Variants in OPCML observed in about 807,000 individuals in gnomAD.
The protein encoded by OPCML is opioid-binding protein/cell adhesion molecule.
OPCML carries 13 observed loss-of-function variants against 37.8 expected under a neutral mutation model. The ratio of observed to expected loss-of-function variants is 0.34; its 90% CI spans 0.22 to 0.55. OPCML has a LOEUF of 0.55. OPCML is among the 20% of genes least tolerant of loss of function. The pLI is 0.91. For missense variants in OPCML, 341 were observed against 435.6 expected (o/e 0.78, Z 1.93); for synonymous variants, 176 against 168.8 (o/e 1.04, Z -0.33).
intron 1 of OPCML, among the ~76,000 whole-genome samples, chr11:133,055,159 G>A (rs11223347): frequency 1.4e-3 from 79 of 55,368 alleles, no homozygotes; most frequent in African/African-American, 2.1e-3. Context: ...TGAGGGAGCC[G>A]CCTCTACCAT....
At chr11:132,425,869 G>A (rs2095976311) in intron 7 of OPCML, among the ~76,000 whole-genome samples, 1 of 152,202 alleles carries the variant, frequency 6.6e-6, no homozygotes, top group African/African-American at 2.4e-5. Flanking sequence ...GTGGGCAAAT[G>A]CCACATTTAA....
intron 1 of OPCML, among the ~76,000 whole-genome samples, chr11:133,293,641 C>A (rs534057761): frequency 1.1e-3 from 168 of 152,278 alleles, no homozygotes; most frequent in Middle Eastern, 3.4e-3. Context: ...CACACATGGT[C>A]ACCTTCAGCA....
chr11:133,164,908 C>T (rs1456602170), intron 1 of OPCML, among the ~76,000 whole-genome samples: 3 of 152,104 alleles, frequency 2.0e-5, no homozygotes, highest in African/African-American at 7.2e-5. Flanking sequence ...TGAAACTGTC[C>T]CTGAGGGGAG....
chr11:133,420,921 C>T, intron 1 of OPCML: 2 of 985,336 alleles, frequency 2.0e-6, no homozygotes, highest in Non-Finnish European at 2.4e-6. Context: ...AAAAGGATTA[C>T]AGTGGCTGAT....
At chr11:133,437,533 G>A (rs575744395) in intron 1 of OPCML, among the ~76,000 whole-genome samples, 1 of 152,180 alleles carries the variant, frequency 6.6e-6, no homozygotes, top group Admixed American at 6.5e-5. Context: ...TCAGCCAACC[G>A]ACTCTTCCCT....
intron 2 of OPCML, among the ~76,000 whole-genome samples, chr11:132,732,092 G>A (rs948389831): frequency 2.0e-5 from 3 of 152,156 alleles, no homozygotes; most frequent in Non-Finnish European, 2.9e-5. Context: ...TGGAGGAGAT[G>A]GGGATGTATG....
intron 1 of OPCML, among the ~76,000 whole-genome samples, chr11:133,309,811 C>T (rs1411104464): frequency 6.6e-6 from 1 of 152,020 alleles, no homozygotes; most frequent in African/African-American, 2.4e-5. Context: ...TCCATAAGAC[C>T]AGTGATAGAT....
chr11:133,255,977 G>A (rs1302466158), intron 1 of OPCML, among the ~76,000 whole-genome samples: 1 of 152,142 alleles, frequency 6.6e-6, no homozygotes, highest in East Asian at 1.9e-4. Context: ...CATGTTGTAT[G>A]TATAACCTAA....
intron 1 of OPCML, among the ~76,000 whole-genome samples, chr11:133,041,759 T>A (rs545202939): frequency 6.6e-6 from 1 of 152,180 alleles, no homozygotes; most frequent in African/African-American, 2.4e-5. Flanking sequence ...GATGGGAGAA[T>A]GTACTTAAAA....
intron 1 of OPCML, among the ~76,000 whole-genome samples, chr11:133,273,486 T>C (rs1455931481): frequency 6.6e-6 from 1 of 152,216 alleles, no homozygotes; most frequent in East Asian, 1.9e-4. Flanking sequence ...AGCCTCTCCA[T>C]GAAAGGTCAA....
chr11:132,543,705 G>A (rs1468040950), intron 3 of OPCML, among the ~76,000 whole-genome samples: 1 of 151,912 alleles, frequency 6.6e-6, no homozygotes, highest in African/African-American at 2.4e-5. Flanking sequence ...CACAGTAATG[G>A]TTCTTTATAA....
chr11:132,935,462 C>T lies in OPCML; in HGVS notation c.146+7464G>A, dbSNP rs147782565. Among the ~76,000 whole-genome samples the T allele has an allele frequency of 1.2e-3, 182 of 152,298 alleles. 1 individual carries two copies. The highest frequency in any genetic ancestry group is 4.3e-3 in the African/African-American group (177 of 41,562). Reference sequence around the variant, plus strand: ...GACTAGCCAGAAAACTTAACAACCACTGATAACATTCTTTATGATGATTAT... The same window carrying T: ...GACTAGCCAGAAAACTTAACAACCATTGATAACATTCTTTATGATGATTAT... On this transcript the variant is annotated intron_variant, in intron 2 of 7. Coordinates refer to ENST00000524381, the MANE Select transcript of OPCML (RefSeq NM_001012393.5).
chr11:133,221,518 G>C (rs182504021), intron 1 of OPCML, among the ~76,000 whole-genome samples: 1 of 152,300 alleles, frequency 6.6e-6, no homozygotes, highest in Non-Finnish European at 1.5e-5. Flanking sequence ...CGTCCATGGT[G>C]GGGGGTATTC....
intron 1 of OPCML, among the ~76,000 whole-genome samples, chr11:133,463,940 A>G (rs1384201470): frequency 2.0e-5 from 3 of 152,004 alleles, no homozygotes; most frequent in Non-Finnish European, 4.4e-5. Flanking sequence ...GCATCTCCAC[A>G]TTCAACATAT....
chr11:132,833,029 T>A (rs967865307), intron 2 of OPCML, among the ~76,000 whole-genome samples: 2 of 152,204 alleles, frequency 1.3e-5, no homozygotes, highest in African/African-American at 4.8e-5. Context: ...GAGTGGACAT[T>A]ACCAGTTAGT....
chr11:132,821,803 C>T (rs1171402545), intron 2 of OPCML, among the ~76,000 whole-genome samples: 1 of 152,126 alleles, frequency 6.6e-6, no homozygotes, highest in Admixed American at 6.5e-5. Flanking sequence ...CCCCTCCCCA[C>T]TAAATGTCTC....
intron 3 of OPCML, among the ~76,000 whole-genome samples, chr11:132,559,725 A>G (rs951920341): frequency 6.6e-6 from 1 of 152,180 alleles, no homozygotes; most frequent in East Asian, 1.9e-4. Flanking sequence ...TCAAGAAGAT[A>G]AGACGAAAAG....
intron 1 of OPCML, among the ~76,000 whole-genome samples, chr11:133,138,670 C>A (rs1395313545): frequency 6.6e-6 from 1 of 152,142 alleles, no homozygotes; most frequent in Non-Finnish European, 1.5e-5. Context: ...GGAAGGCCCT[C>A]CTCCCACAGA....
intron 2 of OPCML, among the ~76,000 whole-genome samples, chr11:132,906,727 T>C (rs1944256310): frequency 6.6e-6 from 1 of 152,130 alleles, no homozygotes; most frequent in African/African-American, 2.4e-5. Context: ...AAGCTGAAAA[T>C]GGAAGTAGAT....
Sources: gnomAD v4.1 joint callset for allele counts (sites outside exome capture counted in the v4.1 genomes callset) on GRCh38, gnomAD v4.1.1 for gene constraint, MANE v1.5 for transcripts, NCBI Gene and HGNC (gene_info 2026-07-23, HGNC 2026-07-21) for gene names.